FBXL7: variants seen among roughly 807,000 people sequenced by gnomAD.
The protein encoded by FBXL7 is F-box and leucine rich repeat protein 7.
In FBXL7, 12 loss-of-function variants were observed where a neutral mutation model predicts 38.3. The observed-to-expected ratio is 0.31, with a 90% confidence interval of 0.20 to 0.51. The LOEUF (loss-of-function observed/expected upper bound fraction) is 0.51, where lower values mean the gene tolerates loss of function less well. FBXL7 is among the 20% of genes least tolerant of loss of function. The pLI is 0.98. For missense variants in FBXL7, 567 were observed against 676.4 expected, an observed-to-expected ratio of 0.84 and a Z score of 1.79; for synonymous variants, 297 against 300.9, an observed-to-expected ratio of 0.99 and a Z score of 0.13.
intron 2 of FBXL7, among the ~76,000 whole-genome samples, chr5:15,895,291 A>T (rs1422181955): frequency 6.6e-6 from 1 of 152,158 alleles, no homozygotes; most frequent in Non-Finnish European, 1.5e-5. Context: ...CTGAATTTTT[A>T]GCATTGTGCA....
intron 2 of FBXL7, among the ~76,000 whole-genome samples, chr5:15,795,282 T>G (rs1255412860): frequency 2.0e-5 from 3 of 152,350 alleles, no homozygotes; most frequent in Non-Finnish European, 4.4e-5. Flanking sequence ...AATAGGTATT[T>G]ACACTCACAG....
At chr5:15,541,588 A>G (rs1160335335) in intron 1 of FBXL7, among the ~76,000 whole-genome samples, 1 of 123,678 alleles carries the variant, frequency 8.1e-6, no homozygotes, top group African/African-American at 3.2e-5. Context: ...TCCGTTTTCC[A>G]GGCTGAAGTA....
At chr5:15,717,542 G>T (rs1342735982) in intron 2 of FBXL7, among the ~76,000 whole-genome samples, 1 of 152,186 alleles carries the variant, frequency 6.6e-6, no homozygotes, top group Non-Finnish European at 1.5e-5. Flanking sequence ...GAAGACCAGG[G>T]ATCGGGACAT....
Position 15,895,633 on chromosome 5 carries a change from C to CTTTTTTTTTT in FBXL7, c.128-32240_128-32231dup, listed in dbSNP as rs903652361. On this transcript the variant is annotated intron_variant, in intron 2 of 3. Coordinates refer to ENST00000504595, the MANE Select transcript of FBXL7 (RefSeq NM_012304.5). ...TTGATGCTTAGGGCCCTTTTTCATA[C>CTTTTTTTTTT]TTTTTTTTTTTTTTTTTTTTTTTTT... Among the ~76,000 whole-genome samples, 4 of 98,060 alleles carry CTTTTTTTTTT rather than the reference C, an allele frequency of 4.1e-5. 1 individual carries two copies. The highest frequency in any genetic ancestry group is 1.3e-4 in the African/African-American group (3 of 23,540). 64.3% of individuals were successfully genotyped at this position (98,060 alleles called of 152,430 possible).
intron 2 of FBXL7, among the ~76,000 whole-genome samples, chr5:15,818,832 T>C (rs1738093499): frequency 6.6e-6 from 1 of 152,030 alleles, no homozygotes; most frequent in Non-Finnish European, 1.5e-5. Context: ...TACCTGTGCA[T>C]CTGAAATTAG....
At chr5:15,831,931 AGCCCTCTTCCAAGGATG>A (rs1738467597) in intron 2 of FBXL7, among the ~76,000 whole-genome samples, 1 of 152,076 alleles carries the variant, frequency 6.6e-6, no homozygotes, top group Non-Finnish European at 1.5e-5. Flanking sequence ...ACACCCCTCA[AGCCCTCTTCCAAGGATG>A]GGAAGTCCTT....
chr5:15,540,661 C>A (rs190622967), intron 1 of FBXL7, among the ~76,000 whole-genome samples: 1 of 152,192 alleles, frequency 6.6e-6, no homozygotes, highest in South Asian at 2.1e-4. Flanking sequence ...AAAGAGCAGA[C>A]ATTTATTTCT....
intron 2 of FBXL7, among the ~76,000 whole-genome samples, chr5:15,904,065 A>G (rs550920308): frequency 6.6e-6 from 1 of 152,322 alleles, no homozygotes; most frequent in Admixed American, 6.5e-5. Context: ...GAGGCATAAG[A>G]TAAGAGTATC....
chr5:15,703,235 A>ATT (rs756793448), intron 2 of FBXL7, among the ~76,000 whole-genome samples: 70 of 152,336 alleles, frequency 4.6e-4, no homozygotes, highest in South Asian at 3.3e-3. Flanking sequence ...TAGTATTGAA[A>ATT]TAAATAACTC....
At chr5:15,529,579 G>A (rs1737360427) in intron 1 of FBXL7, among the ~76,000 whole-genome samples, 2 of 151,860 alleles carry the variant, frequency 1.3e-5, no homozygotes, top group Admixed American at 6.6e-5. Context: ...TAGTAGAGAC[G>A]GGGTTTCACC....
chr5:15,504,944 G>T (rs1736603792), intron 1 of FBXL7, among the ~76,000 whole-genome samples: 1 of 152,142 alleles, frequency 6.6e-6, no homozygotes, highest in African/African-American at 2.4e-5. Context: ...TTAACAGCTT[G>T]TTTGCAAAGC....
chr5:15,645,066 A>C (rs1468573730), intron 2 of FBXL7, among the ~76,000 whole-genome samples: 1 of 152,152 alleles, frequency 6.6e-6, no homozygotes, highest in Non-Finnish European at 1.5e-5. Flanking sequence ...TTTTAACCAC[A>C]ATCTGGACAC....
At chr5:15,825,558 G>A (rs947086615) in intron 2 of FBXL7, among the ~76,000 whole-genome samples, 8 of 152,158 alleles carry the variant, frequency 5.3e-5, no homozygotes, top group South Asian at 2.1e-4. Flanking sequence ...TCACCTGTGC[G>A]TTTGAATAAA....
chr5:15,800,433 A>G (rs771309366), intron 2 of FBXL7, among the ~76,000 whole-genome samples: 3 of 152,230 alleles, frequency 2.0e-5, no homozygotes, highest in Non-Finnish European at 4.4e-5. Flanking sequence ...ATAAATTTCT[A>G]TAGAATGACA....
At position 15,928,347 on chromosome 5, in the gene FBXL7, C is replaced by A. The variant is rs773368278; in HGVS notation, c.585C>A (p.Gly195=). The change falls in exon 3 of 4, where the codon GGC becomes GGA. Residue 195 remains glycine (G), a synonymous_variant. Transcript: ENST00000504595. The surrounding 1 kb of genome is among the most constrained non-coding windows in gnomAD (Gnocchi z 4.0). ...TGCTGGAAACCGTAACTGTCAGTGGCTGCAGGCGGCTCACAGACCGAGGGC... is the reference window on the plus strand; with the variant it reads ...TGCTGGAAACCGTAACTGTCAGTGGATGCAGGCGGCTCACAGACCGAGGGC... ...CLMLETVTVS[G]CRRLTDRGLY... The A allele has an allele frequency of 8.7e-6, 14 of 1,613,808 alleles. No homozygotes were observed. The highest frequency in any genetic ancestry group is 1.1e-5 in the Non-Finnish European group (13 of 1,179,864).
At chr5:15,887,936 G>C (rs1353150758) in intron 2 of FBXL7, among the ~76,000 whole-genome samples, 1 of 152,212 alleles carries the variant, frequency 6.6e-6, no homozygotes, top group Admixed American at 6.5e-5. Flanking sequence ...AGCATAGAGA[G>C]CTCTTCCAGA....
In FBXL7 at chr5:15,936,409, T is replaced by G. The variant is rs549432925; in HGVS notation, c.740-41T>G. The stretch of plus-strand genomic sequence containing the variant: ...GCATCCCCAGGCGTGGCTCCCCTGC[T>G]GGCAGGTTGCTCTGAGCCTGTGTTC... On this transcript the variant is annotated intron_variant, in intron 3 of 3. Coordinates refer to ENST00000504595, the MANE Select transcript of FBXL7 (RefSeq NM_012304.5). This position sits in a 1 kb window ranked among gnomAD's most constrained non-coding sequence, Gnocchi z 6.0. 2.7e-4 allele frequency: 427 copies of G among 1,585,508 alleles called. 1 individual carries two copies. The highest frequency in any genetic ancestry group is 3.5e-4 in the Non-Finnish European group (408 of 1,165,150).
At position 15,582,721 on chromosome 5, in the gene FBXL7, C is replaced by T. The variant is rs1739179557; in HGVS notation, c.38-33262C>T. Among the ~76,000 whole-genome samples, 3 of 152,172 alleles carry T rather than the reference C, an allele frequency of 2.0e-5. No individual in the cohort carries two copies. The South Asian group carries it at 6.2e-4, about 32-fold the overall frequency. On this transcript the variant is annotated intron_variant, in intron 1 of 3. Coordinates refer to ENST00000504595, the MANE Select transcript of FBXL7 (RefSeq NM_012304.5). ...AAGTCTTAGGTGAAAGACTCTGCTGCGTTTACATTCAATACATGATGTGCA... is the reference window on the plus strand; with the variant it reads ...AAGTCTTAGGTGAAAGACTCTGCTGTGTTTACATTCAATACATGATGTGCA...
At chr5:15,844,154 T>G (rs1248663513) in intron 2 of FBXL7, among the ~76,000 whole-genome samples, 1 of 152,180 alleles carries the variant, frequency 6.6e-6, no homozygotes, top group African/African-American at 2.4e-5. Context: ...GTCTGCTTTT[T>G]TAGCAGGGGA....
Sources: gnomAD v4.1 joint callset for allele counts (sites outside exome capture counted in the v4.1 genomes callset) on GRCh38, gnomAD v4.1.1 for gene constraint, Gnocchi (gnomAD v3.1) non-coding constraint, MANE v1.5 for transcripts, NCBI Gene and HGNC (gene_info 2026-07-23, HGNC 2026-07-21) for gene names.